The following NIPSNAP3B variants were observed in gnomAD, a reference collection of about 807,000 sequenced individuals.
NIPSNAP3B encodes protein NipSnap homolog 3B.
Under a neutral mutation model 31.5 loss-of-function variants are expected in NIPSNAP3B, and 30 were observed. That is an observed-to-expected ratio of 0.95 (90% CI 0.71 to 1.29). The LOEUF (loss-of-function observed/expected upper bound fraction) is 1.29, where lower values mean the gene tolerates loss of function less well. Ranked by LOEUF, NIPSNAP3B falls within the 50% of genes most tolerant of loss-of-function variation. The pLI is 0.00. For missense variants in NIPSNAP3B, 269 were observed against 300.7 expected (o/e 0.89, Z 0.78); for synonymous variants, 106 against 107.9 (o/e 0.98, Z 0.11).
At position 104,777,571 on chromosome 9, in the gene NIPSNAP3B, G is replaced by A. The variant is rs897227708; in HGVS notation, c.*4498G>A. 6.6e-6 allele frequency: 1 copy of A among 152,216 alleles called. No individual in the cohort carries two copies. Among genetic ancestry groups the A allele is most frequent in the Admixed American group, 6.5e-5 (1 of 15,278 alleles). The allele number at this position is 152,216 out of a possible 1,614,324, so 9.4% of individuals were successfully genotyped here. On this transcript the variant is annotated 3_prime_UTR_variant, in exon 6 of 6. Coordinates refer to ENST00000374762, the MANE Select transcript of NIPSNAP3B (RefSeq NM_018376.4). ...AGGAATGGAAGTTTTTGAATCACAGGCTTCTGCCTTGAAAGGGCAAGTCCG... is the reference window on the plus strand; with the variant it reads ...AGGAATGGAAGTTTTTGAATCACAGACTTCTGCCTTGAAAGGGCAAGTCCG...
At chr9:104,769,164 G>T in intron 3 of NIPSNAP3B, 143 bp downstream of exon 3, 1 of 591,808 alleles carries the variant, frequency 1.7e-6, no homozygotes, top group Non-Finnish European at 2.5e-6. Flanking sequence ...AGATAAAAAT[G>T]AATTAGAGAC....
downstream of NIPSNAP3B, chr9:104,782,393 A>G (rs1272559250): frequency 6.6e-6 from 1 of 152,156 alleles, no homozygotes; most frequent in African/African-American, 2.4e-5. Context: ...CTGAAGTCTT[A>G]CACCTTTAGC....
intron 4 of NIPSNAP3B, 111 bp downstream of exon 4, chr9:104,771,109 T>C (rs1251160342): frequency 1.0e-6 from 1 of 972,792 alleles, no homozygotes; most frequent in African/African-American, 1.6e-5. Flanking sequence ...TTAGAGTTTG[T>C]TGTTTATAGG....
downstream of NIPSNAP3B, chr9:104,782,547 A>T (rs535255845): frequency 1.7e-4 from 26 of 152,304 alleles, 1 homozygote; most frequent in South Asian, 1.7e-3. Context: ...CAGTATTTTT[A>T]CAAATGTTTA....
the NIPSNAP3B span, chr9:104,787,024 C>A: frequency 4.5e-4 from 691 of 1,540,230 alleles, 3 homozygotes; most frequent in East Asian, 0.015. Context: ...GAAAAAAAAT[C>A]AAAGATAAAT....
At chr9:104,766,790 T>C (rs756326924) in intron 2 of NIPSNAP3B, among the ~76,000 whole-genome samples, 5 of 152,096 alleles carry the variant, frequency 3.3e-5, no homozygotes, top group Non-Finnish European at 7.4e-5. Context: ...AAATTGTGAA[T>C]TAGACTTTAA....
the NIPSNAP3B span, chr9:104,788,330 A>C: frequency 6.4e-7 from 1 of 1,556,968 alleles, no homozygotes; most frequent in South Asian, 1.1e-5. Flanking sequence ...ATTCATGAGG[A>C]AAAACAGCCT....
At chr9:104,784,032 C>CCATTGGT in the NIPSNAP3B span, 10 of 377,344 alleles carry the variant, frequency 2.7e-5, no homozygotes, top group African/African-American at 1.6e-4. Flanking sequence ...ACCCATATGT[C>CCATTGGT]CATTGGGTTC....
downstream of NIPSNAP3B, among the ~76,000 whole-genome samples, chr9:104,780,316 C>T (rs1281364223): frequency 6.6e-6 from 1 of 152,182 alleles, no homozygotes; most frequent in Admixed American, 6.5e-5. Flanking sequence ...ACGACACTGT[C>T]ACAGCCATTC....
the NIPSNAP3B span, chr9:104,785,703 C>G: frequency 1.2e-6 from 2 of 1,601,846 alleles, no homozygotes; most frequent in Non-Finnish European, 1.7e-6. Context: ...GAATACTGAA[C>G]CCTGGGAACC....
At chr9:104,786,532 A>G in the NIPSNAP3B span, 3 of 779,848 alleles carry the variant, frequency 3.8e-6, no homozygotes, top group African/African-American at 1.7e-5. Flanking sequence ...GATGCTGTTC[A>G]GTGTAGTGGT....
downstream of NIPSNAP3B, among the ~76,000 whole-genome samples, chr9:104,777,779 TTC>T (rs1197175188): frequency 1.3e-5 from 2 of 151,680 alleles, no homozygotes; most frequent in African/African-American, 2.4e-5. Flanking sequence ...TTGTCCTGTT[TTC>T]TGTTTCCCTT....
At chr9:104,765,934 G>T (rs1442454769) in intron 1 of NIPSNAP3B, among the ~76,000 whole-genome samples, 1 of 152,156 alleles carries the variant, frequency 6.6e-6, no homozygotes, top group Non-Finnish European at 1.5e-5. Context: ...TTTTCAATGT[G>T]TGGAACTAAT....
the NIPSNAP3B span, chr9:104,787,767 G>A: frequency 1.1e-6 from 1 of 943,038 alleles, no homozygotes; most frequent in Non-Finnish European, 1.3e-6. Context: ...GTGTGCCAAG[G>A]GAGAAGCTTC....
At chr9:104,771,777 G>A (rs566688322) in intron 4 of NIPSNAP3B, among the ~76,000 whole-genome samples, 2 of 152,244 alleles carry the variant, frequency 1.3e-5, no homozygotes, top group African/African-American at 2.4e-5. Flanking sequence ...TGGCAGTTCT[G>A]CTTTTAGCTC....
chr9:104,778,252 T>C (rs1466285820), downstream of NIPSNAP3B, among the ~76,000 whole-genome samples: 1 of 152,030 alleles, frequency 6.6e-6, no homozygotes, highest in Non-Finnish European at 1.5e-5. Flanking sequence ...TTTTTTTAGA[T>C]GGAGTTTCGC....
At chr9:104,789,023 G>A in the NIPSNAP3B span, among the ~76,000 whole-genome samples, 2 of 152,216 alleles carry the variant, frequency 1.3e-5, no homozygotes, top group African/African-American at 4.8e-5. Flanking sequence ...TGGTGGGGTG[G>A]CTTTGGGGTT....
At chr9:104,783,750 A>C in the NIPSNAP3B span, 1 of 157,614 alleles carries the variant, frequency 6.3e-6, no homozygotes, top group East Asian at 1.9e-4. Flanking sequence ...GACTCTGAGC[A>C]GAGCAGCTTT....
At chr9:104,781,061 A>G (rs79840023), downstream of NIPSNAP3B, 10 of 152,788 alleles carry the variant, frequency 6.5e-5, no homozygotes, top group East Asian at 7.7e-4. Context: ...ATTACAACAT[A>G]GAAATATGCA....
Sources: allele counts gnomAD v4.1 joint callset (sites outside exome capture counted in the v4.1 genomes callset), GRCh38; gene constraint gnomAD v4.1.1; transcripts MANE v1.5; gene names NCBI Gene and HGNC (gene_info 2026-07-23, HGNC 2026-07-21).